The following URM1 variants were observed in gnomAD, a reference collection of about 807,000 sequenced individuals.
The protein encoded by URM1 is ubiquitin related modifier 1, also known as ubiquitin-related modifier 1.
A neutral mutation model predicts 17.7 loss-of-function variants in URM1; 11 were observed. That is an observed-to-expected ratio of 0.62 (90% confidence interval 0.39 to 1.03). The LOEUF (loss-of-function observed/expected upper bound fraction) is 1.03, where lower values mean the gene tolerates loss of function less well. URM1 is among the 50% of genes least tolerant of loss of function. The pLI, the probability that URM1 is intolerant of heterozygous loss-of-function variation, is 0.00. For missense variants in URM1, 128 were observed against 129.2 expected, an observed-to-expected ratio of 0.99 and a Z score of 0.04; for synonymous variants, 48 against 50.6, an observed-to-expected ratio of 0.95 and a Z score of 0.22.
At chr9:128,388,978 A>G in intron 3 of URM1, 1 of 1,259,762 alleles carries the variant, frequency 7.9e-7, no homozygotes, top group Non-Finnish European at 1.0e-6. Flanking sequence ...TTTTCAGATG[A>G]GGAACCTGAT....
At chr9:128,384,016 G>C (rs193239658) in intron 2 of URM1, among the ~76,000 whole-genome samples, 82 of 152,316 alleles carry the variant, frequency 5.4e-4, no homozygotes, top group Admixed American at 3.4e-3. Flanking sequence ...CGTGTCCTGT[G>C]TGTGTGACAC....
In URM1 at chr9:128,387,970, C is replaced by T. The variant is rs956575780; in HGVS notation, c.188+73C>T. The T allele has an allele frequency of 7.6e-6, 12 of 1,583,168 alleles. No homozygotes were observed. In the Admixed American group the frequency reaches 2.1e-4, roughly 27 times the overall value. Reference sequence around the variant, plus strand: ...ATATTTGAGCCCCCACCCTCGGGTTCAGTCCTGGCCTTCTCTGAATCCGGT... The same window carrying T: ...ATATTTGAGCCCCCACCCTCGGGTTTAGTCCTGGCCTTCTCTGAATCCGGT... On this transcript the variant is annotated intron_variant, in intron 3 of 4. Transcript: ENST00000372853. The surrounding 1 kb of genome is among the most constrained non-coding windows in gnomAD (Gnocchi z 4.3).
intron 2 of URM1, among the ~76,000 whole-genome samples, chr9:128,378,718 G>A (rs1833114685): frequency 1.3e-5 from 2 of 151,978 alleles, no homozygotes; most frequent in Non-Finnish European, 2.9e-5. Flanking sequence ...ACTTTGGGGG[G>A]CCGAGGCGGA....
At chr9:128,381,366 G>C (rs2131295386) in intron 2 of URM1, among the ~76,000 whole-genome samples, 1 of 152,290 alleles carries the variant, frequency 6.6e-6, no homozygotes, top group African/African-American at 2.4e-5. Flanking sequence ...TACTTGAATA[G>C]GACTAATAGG....
intron 2 of URM1, among the ~76,000 whole-genome samples, chr9:128,385,656 C>T (rs1833216871): frequency 1.3e-5 from 2 of 152,166 alleles, no homozygotes; most frequent in Admixed American, 1.3e-4. Context: ...GACCATCTGG[C>T]TTGGAGGCTA....
chr9:128,376,551 A>G (rs1833080949), intron 1 of URM1, among the ~76,000 whole-genome samples: 1 of 151,512 alleles, frequency 6.6e-6, no homozygotes, highest in Non-Finnish European at 1.5e-5. Flanking sequence ...AATCTCAGCT[A>G]CTCTGGAAGC....
intron 2 of URM1, among the ~76,000 whole-genome samples, chr9:128,383,616 GAC>G (rs1833188888): frequency 6.6e-6 from 1 of 152,172 alleles, no homozygotes; most frequent in Admixed American, 6.5e-5. Flanking sequence ...ATGACAGGAA[GAC>G]AGATTTCTGC....
At chr9:128,373,386 C>A (rs553702264) in intron 1 of URM1, among the ~76,000 whole-genome samples, 1 of 152,216 alleles carries the variant, frequency 6.6e-6, no homozygotes, top group African/African-American at 2.4e-5. Context: ...AGAACTGGAG[C>A]AAATTTGCAA....
intron 2 of URM1, among the ~76,000 whole-genome samples, chr9:128,381,220 C>A (rs1386436569): frequency 1.3e-5 from 2 of 152,138 alleles, no homozygotes; most frequent in African/African-American, 4.8e-5. Flanking sequence ...CATTAGTGAG[C>A]AAAATAGATG....
chr9:128,388,137 C>T, intron 3 of URM1: 1 of 1,314,904 alleles, frequency 7.6e-7, no homozygotes, highest in Non-Finnish European at 9.7e-7. Flanking sequence ...ATTCTGCCCT[C>T]TGGTTGCCAC....
Position 128,387,724 on chromosome 9 carries a change from G to T in URM1, c.107-92G>T, listed in dbSNP as rs942708619. ...GTCTAAAAGAAGCCCTCTAAACACCGTGTGTATTTCCTTGTGGGCCAGGCA... is the reference window on the plus strand; with the variant it reads ...GTCTAAAAGAAGCCCTCTAAACACCTTGTGTATTTCCTTGTGGGCCAGGCA... On this transcript the variant is annotated intron_variant, in intron 2 of 4. Transcript: ENST00000372853. The surrounding 1 kb of genome is among the most constrained non-coding windows in gnomAD (Gnocchi z 4.3). 1 of 1,588,442 alleles carries T rather than the reference G, an allele frequency of 6.3e-7. No individual in the cohort carries two copies. Among genetic ancestry groups the T allele is most frequent in the Non-Finnish European group, 8.6e-7 (1 of 1,165,304 alleles).
intron 1 of URM1, among the ~76,000 whole-genome samples, chr9:128,376,669 A>C (rs572628236): frequency 6.7e-6 from 1 of 148,504 alleles, no homozygotes; most frequent in East Asian, 2.0e-4. Flanking sequence ...TCAATAAATA[A>C]ATTTTTTTAA....
At chr9:128,389,602 A>G (rs1833278156) in intron 4 of URM1, 64 bp from the exon 5 acceptor site, 14 of 1,605,816 alleles carry the variant, frequency 8.7e-6, no homozygotes, top group Non-Finnish European at 4.3e-6. Context: ...TGTTCTCCCA[A>G]CTCCTGGGGT....
At position 128,388,808 on chromosome 9, in the gene URM1, A is replaced by C. The variant is rs571587655; in HGVS notation, c.189-453A>C. 264 of 990,190 alleles carry C rather than the reference A, an allele frequency of 2.7e-4. No individual in the cohort carries two copies. In the African/African-American group the frequency reaches 4.0e-3, roughly 15 times the overall value. The allele number at this position is 990,190 out of a possible 1,614,324, so 61.3% of individuals were successfully genotyped here. ...CCAGGATGGGCATGCAGAGGCCTAAAAAAAAGCCGAAGTTCTTTTCCAGGG... is the reference window on the plus strand; with the variant it reads ...CCAGGATGGGCATGCAGAGGCCTAACAAAAAGCCGAAGTTCTTTTCCAGGG... On this transcript the variant is annotated intron_variant, in intron 3 of 4. Transcript: ENST00000372853.
intron 2 of URM1, among the ~76,000 whole-genome samples, chr9:128,385,275 C>A (rs1254476256): frequency 6.6e-6 from 1 of 152,136 alleles, no homozygotes; most frequent in Non-Finnish European, 1.5e-5. Flanking sequence ...CTGTTTAACA[C>A]CCTCAGTCAG....
At chr9:128,388,970 T>G in intron 3 of URM1, 1 of 1,246,046 alleles carries the variant, frequency 8.0e-7, no homozygotes, top group Non-Finnish European at 1.0e-6. Flanking sequence ...TTATCCCATT[T>G]TCAGATGAGG....
At chr9:128,381,052 C>T (rs1463036462) in intron 2 of URM1, among the ~76,000 whole-genome samples, 4 of 152,086 alleles carry the variant, frequency 2.6e-5, no homozygotes, top group African/African-American at 9.7e-5. Flanking sequence ...TCTCGATCTC[C>T]TGACCTGGTG....
intron 3 of URM1, 185 bp from the exon 4 acceptor site, chr9:128,389,072 CCATG>C (rs1833267761): frequency 7.3e-7 from 1 of 1,378,198 alleles, no homozygotes; most frequent in East Asian, 2.7e-5. Context: ...GCTACAAAGA[CCATG>C]CATGACTGAC....
At chr9:128,375,864 C>T (rs1833069595) in intron 1 of URM1, among the ~76,000 whole-genome samples, 1 of 151,982 alleles carries the variant, frequency 6.6e-6, no homozygotes, top group African/African-American at 2.4e-5. Flanking sequence ...GTGTCTGGCC[C>T]CCAAAGTATT....
Sources: allele counts gnomAD v4.1 joint callset (sites outside exome capture counted in the v4.1 genomes callset), GRCh38; gene constraint gnomAD v4.1.1; non-coding constraint Gnocchi (gnomAD v3.1); transcripts MANE v1.5; gene names NCBI Gene and HGNC (gene_info 2026-07-23, HGNC 2026-07-21).